Variants in PTPN4 observed in about 807,000 individuals in gnomAD.
PTPN4 encodes protein tyrosine phosphatase non-receptor type 4.
PTPN4 carries 49 observed loss-of-function variants against 135.5 expected under a neutral mutation model. The observed-to-expected ratio is 0.36, with a 90% CI of 0.29 to 0.46. The LOEUF is 0.46. PTPN4 is among the 20% of genes least tolerant of loss of function. PTPN4 has a pLI of 1.00. For synonymous variants in PTPN4, 333 were observed against 369.9 expected (o/e 0.90, Z 1.14); for missense variants, 860 against 1,101.0 (o/e 0.78, Z 3.10).
intron 26 of PTPN4, among the ~76,000 whole-genome samples, chr2:119,970,133 C>T (rs1407314819): frequency 1.3e-5 from 2 of 152,014 alleles, no homozygotes; most frequent in Non-Finnish European, 2.9e-5. Flanking sequence ...GATCTCAGCT[C>T]GCCGCAACCT....
At chr2:119,929,480 C>T (rs1395594847) in intron 13 of PTPN4, among the ~76,000 whole-genome samples, 2 of 151,940 alleles carry the variant, frequency 1.3e-5, no homozygotes, top group Non-Finnish European at 2.9e-5. Context: ...TTGTGTTCGC[C>T]TCAGCAGCAC....
At position 119,853,261 on chromosome 2, in the gene PTPN4, A is replaced by G. The variant is rs1020370514; in HGVS notation, c.139-9275A>G. 2.0e-5 allele frequency among the ~76,000 whole-genome samples: 3 copies of G among 152,224 alleles called. No individual in the cohort carries two copies. In the South Asian group the frequency reaches 6.2e-4, roughly 32 times the overall value. ...CCCTAGTTATATGTGTCCCTTTTCT[A>G]TGGCTTAAGTTGTTTTCTGCCATTT... On this transcript the variant is annotated intron_variant, in intron 2 of 26. Transcript: ENST00000263708.
intron 19 of PTPN4, 71 bp from the exon 20 acceptor site, chr2:119,955,086 T>A: frequency 7.5e-7 from 1 of 1,330,754 alleles, no homozygotes; most frequent in Admixed American, 2.2e-5. Flanking sequence ...ACAGTGTATC[T>A]GGTAAATTCC....
chr2:119,944,037 C>T (rs910019447), intron 15 of PTPN4, among the ~76,000 whole-genome samples: 6 of 151,950 alleles, frequency 3.9e-5, no homozygotes, highest in Admixed American at 1.3e-4. Context: ...TCATCTAATA[C>T]ATTTTCCTTA....
chr2:119,768,636 C>T (rs1690680916), intron 1 of PTPN4, among the ~76,000 whole-genome samples: 1 of 152,196 alleles, frequency 6.6e-6, no homozygotes, highest in Admixed American at 6.5e-5. Context: ...ATTATCTCCT[C>T]AGTGTATTTA....
intron 10 of PTPN4, among the ~76,000 whole-genome samples, chr2:119,910,190 T>A (rs1372111762): frequency 6.6e-6 from 1 of 152,042 alleles, no homozygotes; most frequent in East Asian, 1.9e-4. Context: ...CAACAAAAGA[T>A]TACAACTCCT....
At chr2:119,919,707 C>A (rs1249976117) in intron 11 of PTPN4, among the ~76,000 whole-genome samples, 5 of 151,834 alleles carry the variant, frequency 3.3e-5, no homozygotes, top group Non-Finnish European at 7.4e-5. Flanking sequence ...GCCTTTAATT[C>A]CTGCTGCTCG....
intron 18 of PTPN4, among the ~76,000 whole-genome samples, chr2:119,949,857 A>G (rs1278862182): frequency 6.6e-6 from 1 of 151,636 alleles, no homozygotes; most frequent in Non-Finnish European, 1.5e-5. Context: ...ATATAGCAAG[A>G]CCCTGTCTGA....
At position 119,961,226 on chromosome 2, in the gene PTPN4, C is replaced by CTTTACAACTA. The variant is rs1679361043; in HGVS notation, c.2280+274_2280+275insTTACAACTAT. Among the ~76,000 whole-genome samples, 6 of 151,788 alleles carry CTTTACAACTA rather than the reference C, an allele frequency of 4.0e-5. No homozygotes were observed. In the South Asian group the frequency reaches 1.3e-3, roughly 32 times the overall value. On this transcript the variant is annotated intron_variant, in intron 23 of 26. Transcript: ENST00000263708. Reference sequence around the variant, plus strand: ...TTGTGTCTAACGTATATACAGAACTCTACAGTAAAATAAATAATGCAATTT... The same window carrying CTTTACAACTA: ...TTGTGTCTAACGTATATACAGAACTCTTTACAACTATACAGTAAAATAAATAATGCAATTT...
chr2:119,949,029 A>G (rs12991183), intron 18 of PTPN4, among the ~76,000 whole-genome samples: 89,814 of 152,008 alleles, frequency 0.59, 28,573 homozygotes, highest in East Asian at 0.8. Context: ...TAAAAAAAGT[A>G]TTCATTTTTC....
At chr2:119,882,414 C>G (rs1678093494) in intron 7 of PTPN4, 89 bp from the exon 8 acceptor site, 1 of 1,260,428 alleles carries the variant, frequency 7.9e-7, no homozygotes, top group African/African-American at 1.6e-5. Context: ...ATTTTACATC[C>G]AGAAATAGAA....
At chr2:119,896,817 G>A (rs1678330712) in intron 9 of PTPN4, among the ~76,000 whole-genome samples, 1 of 152,014 alleles carries the variant, frequency 6.6e-6, no homozygotes. Context: ...ATGAAGTGGT[G>A]GATTAGATAT....
At chr2:119,879,524 T>C (rs539232953) in intron 5 of PTPN4, among the ~76,000 whole-genome samples, 1 of 152,234 alleles carries the variant, frequency 6.6e-6, no homozygotes, top group African/African-American at 2.4e-5. Context: ...TTAGAATCAT[T>C]TGGGGGAGCT....
intron 2 of PTPN4, among the ~76,000 whole-genome samples, chr2:119,819,373 A>G (rs1379402635): frequency 6.6e-6 from 1 of 152,184 alleles, no homozygotes; most frequent in African/African-American, 2.4e-5. Flanking sequence ...GCTACTCTAT[A>G]TGATCAGAAC....
chr2:119,823,832 G>A (rs934460274), intron 2 of PTPN4, among the ~76,000 whole-genome samples: 1 of 152,064 alleles, frequency 6.6e-6, no homozygotes, highest in African/African-American at 2.4e-5. Flanking sequence ...GACTTCCCTC[G>A]CTAGCTTAGA....
rs191337550 is a variant in PTPN4 at position 119,948,042 on chromosome 2, G to A, written c.1656+1468G>A. Among the ~76,000 whole-genome samples, 3 of 151,880 alleles carry A rather than the reference G, an allele frequency of 2.0e-5. No homozygotes were observed. In the East Asian group the frequency reaches 5.8e-4, roughly 29 times the overall value. ...CGTTGTGACTGGGGGACAAGACCGGGGATATTATGTATAAAATGACTCCTG... is the reference window on the plus strand; with the variant it reads ...CGTTGTGACTGGGGGACAAGACCGGAGATATTATGTATAAAATGACTCCTG... On this transcript the variant is annotated intron_variant, in intron 18 of 26. Coordinates refer to ENST00000263708, the MANE Select transcript of PTPN4 (RefSeq NM_002830.4).
At chr2:119,868,079 G>C (rs1373597950) in intron 3 of PTPN4, among the ~76,000 whole-genome samples, 1 of 152,130 alleles carries the variant, frequency 6.6e-6, no homozygotes, top group African/African-American at 2.4e-5. Context: ...CAATGTAACT[G>C]AGGCATAAAT....
intron 8 of PTPN4, 115 bp downstream of exon 8, chr2:119,882,738 A>G: frequency 1.1e-6 from 1 of 871,540 alleles, no homozygotes; most frequent in East Asian, 3.3e-5. Flanking sequence ...ACTGTTACCT[A>G]AAATAATATT....
rs1461266139 is a variant in PTPN4, at chr2:119,980,424, G to A, written c.*3354G>A. On this transcript the variant is annotated 3_prime_UTR_variant, in exon 27 of 27. Transcript: ENST00000263708. The stretch of plus-strand genomic sequence containing the variant: ...CTAGAAGTACTGCAGCTTGAGAGCT[G>A]AAAGGAACTTGAAAAATGTTATCCA... 2 of 152,022 alleles carry A rather than the reference G, an allele frequency of 1.3e-5. No individual in the cohort carries two copies. Among genetic ancestry groups the A allele is most frequent in the African/African-American group, 2.4e-5 (1 of 41,434 alleles). 9.4% of individuals were successfully genotyped at this position (152,022 alleles called of 1,614,324 possible).
Sources: gnomAD v4.1 joint callset for allele counts (sites outside exome capture counted in the v4.1 genomes callset) on GRCh38, gnomAD v4.1.1 for gene constraint, MANE v1.5 for transcripts, NCBI Gene and HGNC (gene_info 2026-07-23, HGNC 2026-07-21) for gene names.